Variants in CRCP observed in about 807,000 individuals in gnomAD.
CRCP encodes CGRP receptor component.
A neutral mutation model predicts 18.5 loss-of-function variants in CRCP; 18 were observed. The observed-to-expected ratio is 0.97, with a 90% CI of 0.67 to 1.44. The LOEUF is 1.44. CRCP is among the 40% of genes most tolerant of loss of function. CRCP has a pLI of 0.00. For synonymous variants in CRCP, 53 were observed against 62.9 expected, an observed-to-expected ratio of 0.84 and a Z score of 0.75; for missense variants, 130 against 176.4, an observed-to-expected ratio of 0.74 and a Z score of 1.49.
chr7:66,151,716 T>G (rs1343514501), intron 5 of CRCP, among the ~76,000 whole-genome samples: 4 of 137,184 alleles, frequency 2.9e-5, no homozygotes, highest in Non-Finnish European at 6.3e-5. Context: ...TGTGTGTGTG[T>G]GGTTATATAA....
chr7:66,149,302 T>A (rs1788387469), intron 5 of CRCP, among the ~76,000 whole-genome samples: 1 of 152,080 alleles, frequency 6.6e-6, no homozygotes, highest in African/African-American at 2.4e-5. Context: ...TGTGAGAGGA[T>A]CACTTGAGCC....
Position 66,120,074 on chromosome 7 carries a change from A to G in CRCP, c.8+5104A>G, listed in dbSNP as rs377508571. Among the ~76,000 whole-genome samples, 891 of 151,906 alleles carry G rather than the reference A, an allele frequency of 5.9e-3. 11 individuals are homozygous for G. Among genetic ancestry groups the G allele is most frequent in the African/African-American group, 0.02 (833 of 41,462 alleles). On this transcript the variant is annotated intron_variant, in intron 1 of 5. Coordinates refer to ENST00000395326, the MANE Select transcript of CRCP (RefSeq NM_014478.5). ...GCGGGCGCCCGTAGTCCCAGCTACTATCGGGAGGCTGAGGCAGGAGAATGG... is the reference window on the plus strand; with the variant it reads ...GCGGGCGCCCGTAGTCCCAGCTACTGTCGGGAGGCTGAGGCAGGAGAATGG...
At chr7:66,121,666 G>T (rs383402) in intron 1 of CRCP, among the ~76,000 whole-genome samples, 15,853 of 152,116 alleles carry the variant, frequency 0.1, 1,008 homozygotes, top group South Asian at 0.2. Context: ...TAAGGTATTT[G>T]CTATTTGGCT....
chr7:66,121,136 G>A (rs891395007), intron 1 of CRCP, among the ~76,000 whole-genome samples: 5 of 151,394 alleles, frequency 3.3e-5, no homozygotes, highest in African/African-American at 9.7e-5. Flanking sequence ...GTGCAATGGC[G>A]CAATCTCGGC....
intron 2 of CRCP, among the ~76,000 whole-genome samples, chr7:66,129,382 A>G (rs1787720133): frequency 6.6e-6 from 1 of 152,136 alleles, no homozygotes; most frequent in African/African-American, 2.4e-5. Flanking sequence ...AACACCTACT[A>G]TGGTCCTAGC....
At position 66,147,187 on chromosome 7, in the gene CRCP, C is replaced by T. The variant is rs1788323495; in HGVS notation, c.297+1687C>T. Among the ~76,000 whole-genome samples the T allele has an allele frequency of 5.9e-5, 9 of 152,128 alleles. No homozygotes were observed. In the South Asian group the frequency reaches 1.9e-3, roughly 32 times the overall value. ...TAAAACCCCATCTCTACTAAAAGTA[C>T]AGAAATTAGCTGGGCATGATGGTGC... On this transcript the variant is annotated intron_variant, in intron 5 of 5. Coordinates refer to ENST00000395326, the MANE Select transcript of CRCP (RefSeq NM_014478.5).
chr7:66,131,128 C>G (rs185096270), intron 3 of CRCP, among the ~76,000 whole-genome samples: 1 of 152,112 alleles, frequency 6.6e-6, no homozygotes, highest in African/African-American at 2.4e-5. Context: ...GCGCCCTCCA[C>G]CACGGCCAGC....
intron 5 of CRCP, among the ~76,000 whole-genome samples, chr7:66,147,341 G>GAAA (rs11316310): frequency 7.2e-6 from 1 of 139,816 alleles, no homozygotes; most frequent in Non-Finnish European, 1.5e-5. Context: ...TCCATCTTGG[G>GAAA]AAAAAAAAAA....
chr7:66,131,474 A>G (rs370918227), intron 3 of CRCP, among the ~76,000 whole-genome samples: 1 of 152,166 alleles, frequency 6.6e-6, no homozygotes, highest in South Asian at 2.1e-4. Flanking sequence ...AGCTGGGACT[A>G]TGGGCATCCA....
At chr7:66,150,799 A>G (rs1788435559) in intron 5 of CRCP, 1 of 152,038 alleles carries the variant, frequency 6.6e-6, no homozygotes, top group Non-Finnish European at 1.5e-5. Context: ...GGCCACCTTG[A>G]GCTGAGAAAG....
rs963455614 is a variant in CRCP, at chr7:66,136,100, G to A, written c.239+1726G>A. On this transcript the variant is annotated intron_variant, in intron 4 of 5. Coordinates refer to ENST00000395326, the MANE Select transcript of CRCP (RefSeq NM_014478.5). ...TGTTTGCTTGAGGCAAAAGTGGCTT[G>A]ATCATCTTCTGTGAGTTCTTGTAGT... is the stretch of plus-strand genomic sequence containing the variant. 1.7e-4 allele frequency among the ~76,000 whole-genome samples: 26 copies of A among 152,256 alleles called. No homozygotes were observed. In the East Asian group the frequency reaches 5.0e-3, roughly 29 times the overall value.
At chr7:66,145,394 CAGGACTT>C (rs774908424) in intron 4 of CRCP, 42 bp from the exon 5 acceptor site, 3 of 1,595,190 alleles carry the variant, frequency 1.9e-6, no homozygotes, top group Non-Finnish European at 2.6e-6. Flanking sequence ...AGTCAGGACT[CAGGACTT>C]AGGGCTATGC....
intron 1 of CRCP, chr7:66,120,433 A>G (rs1318800812): frequency 1.3e-5 from 2 of 152,040 alleles, no homozygotes; most frequent in Non-Finnish European, 2.9e-5. Context: ...CCTGTAACCA[A>G]TCAAGAATTT....
chr7:66,139,969 G>A (rs981015132), intron 4 of CRCP, among the ~76,000 whole-genome samples: 5 of 152,196 alleles, frequency 3.3e-5, no homozygotes, highest in South Asian at 2.1e-4. Flanking sequence ...TCAAAGGTTT[G>A]CCCACCTGTT....
chr7:66,151,515 G>A (rs1279017805), intron 5 of CRCP, among the ~76,000 whole-genome samples: 1 of 152,030 alleles, frequency 6.6e-6, no homozygotes, highest in Non-Finnish European at 1.5e-5. Flanking sequence ...GTTGCAGTGA[G>A]CCGAGATTGT....
intron 2 of CRCP, 130 bp downstream of exon 2, chr7:66,127,870 T>C (rs1467145631): frequency 9.1e-6 from 9 of 991,466 alleles, no homozygotes; most frequent in Admixed American, 2.0e-5. Context: ...TCCCAGCACT[T>C]TGGGAGGCTG....
At chr7:66,117,962 CTCT>C (rs1275325043) in intron 1 of CRCP, among the ~76,000 whole-genome samples, 2 of 152,056 alleles carry the variant, frequency 1.3e-5, no homozygotes, top group Non-Finnish European at 2.9e-5. Context: ...TCGTCCTGTT[CTCT>C]TCTTTTTATT....
At chr7:66,134,621 G>T in intron 4 of CRCP, 1 of 279,536 alleles carries the variant, frequency 3.6e-6, no homozygotes, top group Non-Finnish European at 6.5e-6. Context: ...TGCTTATTCT[G>T]CAAAATTAGC....
At chr7:66,115,103 G>C in intron 1 of CRCP, 133 bp downstream of exon 1, 2 of 1,311,390 alleles carry the variant, frequency 1.5e-6, no homozygotes, top group Non-Finnish European at 2.1e-6. Context: ...GCCCTGTCCG[G>C]GAGGGCCGCG....
Sources: allele counts gnomAD v4.1 joint callset (sites outside exome capture counted in the v4.1 genomes callset), GRCh38; gene constraint gnomAD v4.1.1; transcripts MANE v1.5; gene names NCBI Gene and HGNC (gene_info 2026-07-23, HGNC 2026-07-21).